The following PPP2R2C variants were observed in gnomAD, a reference collection of about 807,000 sequenced individuals.
PPP2R2C encodes protein phosphatase 2 regulatory subunit Bgamma.
Under a neutral mutation model 45.3 loss-of-function variants are expected in PPP2R2C, and 10 were observed. The ratio of observed to expected loss-of-function variants is 0.22; its 90% CI spans 0.14 to 0.37. The LOEUF (loss-of-function observed/expected upper bound fraction) is 0.37. Among genes scored for constraint, PPP2R2C ranks in the 10% least tolerant of loss-of-function variants. The pLI is 1.00. For synonymous variants in PPP2R2C, 257 were observed against 245.4 expected, an observed-to-expected ratio of 1.05 and a Z score of -0.44; for missense variants, 308 against 619.7, an observed-to-expected ratio of 0.50 and a Z score of 5.34.
rs141506794 is a variant in PPP2R2C, at chr4:6,468,273, G to C, written c.70+3887C>G. Reference sequence around the variant, plus strand: ...CAGACAATTCCATGCAGGAAAACCTGCCTGCCTGCTGCGTTCAGACAGCCT... The same window carrying C: ...CAGACAATTCCATGCAGGAAAACCTCCCTGCCTGCTGCGTTCAGACAGCCT... On this transcript the variant is annotated intron_variant, in intron 1 of 8. Coordinates refer to ENST00000382599, the MANE Select transcript of PPP2R2C (RefSeq NM_020416.4). 4.0e-3 allele frequency among the ~76,000 whole-genome samples: 613 copies of C among 152,252 alleles called. 4 individuals are homozygous for C. The highest frequency in any genetic ancestry group is 0.014 in the African/African-American group (587 of 41,542).
chr4:6,399,471 C>T (rs7671369), intron 1 of PPP2R2C, among the ~76,000 whole-genome samples: 41,990 of 152,196 alleles, frequency 0.28, 6,570 homozygotes, highest in East Asian at 0.71. Context: ...CACAAGTTCA[C>T]CCATCCAGAT....
intron 2 of PPP2R2C, among the ~76,000 whole-genome samples, chr4:6,500,420 T>A: frequency 6.6e-6 from 1 of 152,206 alleles, no homozygotes; most frequent in East Asian, 1.9e-4. Context: ...AGTGCTGGGA[T>A]TACAGGCGTG....
chr4:6,408,001 A>G (rs1357933838), intron 1 of PPP2R2C, among the ~76,000 whole-genome samples: 1 of 152,218 alleles, frequency 6.6e-6, no homozygotes, highest in African/African-American at 2.4e-5. Context: ...GATTGATTAC[A>G]GTTTATACTA....
intron 2 of PPP2R2C, among the ~76,000 whole-genome samples, chr4:6,492,636 G>GC (rs1355239362): frequency 1.3e-5 from 2 of 152,190 alleles, no homozygotes; most frequent in African/African-American, 4.8e-5. Flanking sequence ...GTAGACTGGA[G>GC]CCCTCATCCC....
intron 1 of PPP2R2C, among the ~76,000 whole-genome samples, chr4:6,410,873 ATTTATT>A (rs1305036044): frequency 7.4e-5 from 11 of 148,796 alleles, no homozygotes; most frequent in African/African-American, 2.8e-4. Context: ...TTATTTATTT[ATTTATT>A]TATTTATTAG....
At chr4:6,449,149 C>T (rs2073880565) in intron 1 of PPP2R2C, among the ~76,000 whole-genome samples, 1 of 152,236 alleles carries the variant, frequency 6.6e-6, no homozygotes, top group Non-Finnish European at 1.5e-5. Context: ...GCCCCATCCT[C>T]TGACTCTCCA....
At chr4:6,395,289 C>T (rs1349906622) in intron 1 of PPP2R2C, among the ~76,000 whole-genome samples, 1 of 152,148 alleles carries the variant, frequency 6.6e-6, no homozygotes, top group Admixed American at 6.5e-5. Context: ...CCAAAGGAGG[C>T]CATTTATTTA....
intron 5 of PPP2R2C, among the ~76,000 whole-genome samples, chr4:6,360,368 C>T (rs1241000985): frequency 1.3e-5 from 2 of 152,242 alleles, no homozygotes; most frequent in African/African-American, 4.8e-5. Context: ...TGGCTTGTGT[C>T]CTCAGCAAGG....
chr4:6,477,277 T>C (rs1473557166), upstream of PPP2R2C, among the ~76,000 whole-genome samples: 1 of 152,046 alleles, frequency 6.6e-6, no homozygotes, highest in African/African-American at 2.4e-5. Flanking sequence ...TGCTGAGTGA[T>C]AGGGTCTGTT....
chr4:6,510,817 A>G (rs779363414), intron 2 of PPP2R2C, among the ~76,000 whole-genome samples: 8 of 152,000 alleles, frequency 5.3e-5, no homozygotes, highest in African/African-American at 1.9e-4. Flanking sequence ...CCCCACTAAA[A>G]ATCCAAAAAA....
intron 1 of PPP2R2C, among the ~76,000 whole-genome samples, chr4:6,460,891 T>C (rs917986573): frequency 6.6e-6 from 1 of 152,244 alleles, no homozygotes; most frequent in African/African-American, 2.4e-5. Context: ...ATCTCGGCAT[T>C]TGAAGCCTTT....
At chr4:6,532,270 G>A (rs926231880) in intron 2 of PPP2R2C, among the ~76,000 whole-genome samples, 2 of 152,252 alleles carry the variant, frequency 1.3e-5, no homozygotes, top group African/African-American at 4.8e-5. Context: ...GGCCGTGAAG[G>A]CTCAGAGAGG....
chr4:6,451,346 AC>A (rs1246104245), intron 1 of PPP2R2C, among the ~76,000 whole-genome samples: 1 of 152,200 alleles, frequency 6.6e-6, no homozygotes, highest in Non-Finnish European at 1.5e-5. Flanking sequence ...GGCACGGCCC[AC>A]AGCTTGCACC....
intron 2 of PPP2R2C, among the ~76,000 whole-genome samples, chr4:6,501,198 A>C (rs1002534205): frequency 2.6e-5 from 4 of 152,166 alleles, no homozygotes; most frequent in African/African-American, 4.8e-5. Flanking sequence ...ATTGCTGCAC[A>C]TCTAACCCAG....
At chr4:6,495,565 T>C (rs1722855028) in intron 2 of PPP2R2C, among the ~76,000 whole-genome samples, 1 of 152,212 alleles carries the variant, frequency 6.6e-6, no homozygotes, top group South Asian at 2.1e-4. Context: ...GTTCATCCCA[T>C]GCTCTGGCAG....
intron 1 of PPP2R2C, among the ~76,000 whole-genome samples, chr4:6,548,192 G>A (rs776180290): frequency 9.2e-5 from 14 of 152,122 alleles, no homozygotes; most frequent in South Asian, 2.1e-4. Context: ...CACTCCAGCC[G>A]GGGCAACAGA....
At chr4:6,429,784 A>AG (rs1324216194) in intron 1 of PPP2R2C, among the ~76,000 whole-genome samples, 1 of 152,148 alleles carries the variant, frequency 6.6e-6, no homozygotes, top group Admixed American at 6.5e-5. Flanking sequence ...CTGGCAGGGG[A>AG]GAAACAAATG....
chr4:6,470,633 C>G (rs1721819757), intron 1 of PPP2R2C, among the ~76,000 whole-genome samples: 1 of 152,216 alleles, frequency 6.6e-6, no homozygotes, highest in Non-Finnish European at 1.5e-5. Context: ...GCCAGCAACC[C>G]GGCGGCTTCC....
At chr4:6,470,735 G>T (rs1013530961) in intron 1 of PPP2R2C, among the ~76,000 whole-genome samples, 1 of 152,194 alleles carries the variant, frequency 6.6e-6, no homozygotes, top group Non-Finnish European at 1.5e-5. Context: ...GGCGACAAAG[G>T]ACCGCTCTCA....
Sources: gnomAD v4.1 joint callset for allele counts (sites outside exome capture counted in the v4.1 genomes callset) on GRCh38, gnomAD v4.1.1 for gene constraint, MANE v1.5 for transcripts, NCBI Gene and HGNC (gene_info 2026-07-23, HGNC 2026-07-21) for gene names.